Variants in COL6A6 observed in about 807,000 individuals in gnomAD.
COL6A6 encodes the protein collagen alpha-6(VI) chain.
A neutral mutation model predicts 208.6 loss-of-function variants in COL6A6; 183 were observed. That is an observed-to-expected ratio of 0.88 (90% CI 0.78 to 0.99). COL6A6 has a LOEUF of 0.99. Among genes scored for constraint, COL6A6 ranks in the 50% least tolerant of loss-of-function variants. The pLI is 0.00. For synonymous variants in COL6A6, 973 were observed against 1,011.8 expected, an observed-to-expected ratio of 0.96 and a Z score of 0.73; for missense variants, 2,816 against 2,815.2, an observed-to-expected ratio of 1.00 and a Z score of -0.01.
At chr3:130,658,654 C>G (rs753242161) in intron 33 of COL6A6, 22 bp from the exon 34 acceptor site, 1 of 1,568,066 alleles carries the variant, frequency 6.4e-7, no homozygotes, top group East Asian at 2.3e-5. Context: ...TAAGTTCTTT[C>G]TGCTGCTTCT....
intron 20 of COL6A6, among the ~76,000 whole-genome samples, chr3:130,601,871 C>T (rs6799606): frequency 0.018 from 2,691 of 152,270 alleles, 73 homozygotes; most frequent in African/African-American, 0.062. Context: ...AATCTCAACC[C>T]TAATGAGTAA....
intron 8 of COL6A6, among the ~76,000 whole-genome samples, chr3:130,579,778 G>T (rs2063378209): frequency 6.6e-6 from 1 of 152,162 alleles, no homozygotes; most frequent in African/African-American, 2.4e-5. Context: ...CTTCAAGACA[G>T]GGCTCCTGAT....
At chr3:130,657,116 A>C (rs1044405951) in intron 33 of COL6A6, among the ~76,000 whole-genome samples, 1 of 152,246 alleles carries the variant, frequency 6.6e-6, no homozygotes, top group Non-Finnish European at 1.5e-5. Context: ...CTGGAGCCAC[A>C]GCTGGATGGC....
chr3:130,529,709 C>G (rs1331257735), intron 1 of COL6A6, among the ~76,000 whole-genome samples: 1 of 152,180 alleles, frequency 6.6e-6, no homozygotes, highest in Non-Finnish European at 1.5e-5. Context: ...GAAGGGGCCC[C>G]TGCTGGGAGC....
intron 21 of COL6A6, 60 bp from the exon 22 acceptor site, chr3:130,608,842 G>A: frequency 1.8e-6 from 2 of 1,129,844 alleles, no homozygotes; most frequent in East Asian, 3.5e-5. Context: ...TAAGCTTGCA[G>A]GTAAAGGAGA....
chr3:130,542,402 C>G (rs1354791662), intron 1 of COL6A6, among the ~76,000 whole-genome samples: 1 of 151,860 alleles, frequency 6.6e-6, no homozygotes, highest in Admixed American at 6.6e-5. Context: ...TTGTATGATT[C>G]CTGTTTTTTT....
chr3:130,655,198 T>C (rs1285220015), intron 33 of COL6A6, among the ~76,000 whole-genome samples: 1 of 152,138 alleles, frequency 6.6e-6, no homozygotes, highest in Admixed American at 6.5e-5. Context: ...AAGTGCCTCA[T>C]AGATAAGCAA....
At chr3:130,641,281 C>CTATG (rs1485007866) in intron 28 of COL6A6, among the ~76,000 whole-genome samples, 6 of 151,148 alleles carry the variant, frequency 4.0e-5, no homozygotes, top group Admixed American at 3.3e-4. Context: ...TGATGGGATA[C>CTATG]TATGCAGCTG....
chr3:130,533,898 T>C (rs1309666257), intron 1 of COL6A6, among the ~76,000 whole-genome samples: 1 of 152,234 alleles, frequency 6.6e-6, no homozygotes, highest in Non-Finnish European at 1.5e-5. Flanking sequence ...ATCTAAAGTA[T>C]TCATTTAATG....
chr3:130,562,278 G>A (rs147856056), intron 2 of COL6A6, among the ~76,000 whole-genome samples: 1 of 152,092 alleles, frequency 6.6e-6, no homozygotes, highest in African/African-American at 2.4e-5. Flanking sequence ...AAGCTTTAAA[G>A]GTTAAGCAAA....
In COL6A6 at chr3:130,642,764, T is replaced by C. The variant is rs972432697; in HGVS notation, c.5155-68T>C. ...AAGTTATCACTTTCTGAGGGCAATG[T>C]TGGTGCACACTGGCTACTGATGTGT... is the stretch of plus-strand genomic sequence containing the variant. On this transcript the variant is annotated intron_variant, in intron 29 of 36. Transcript: ENST00000358511. 6 of 1,393,434 alleles carry C rather than the reference T, an allele frequency of 4.3e-6. No individual in the cohort carries two copies. The African/African-American group carries it at 7.2e-5, about 17-fold the overall frequency. The allele number at this position is 1,393,434 out of a possible 1,614,324, so 86.3% of individuals were successfully genotyped here.
rs111916367 is a variant in COL6A6 at position 130,563,050 on chromosome 3, A to G, written c.65-18A>G. 30 of 1,574,500 alleles carry G rather than the reference A, an allele frequency of 1.9e-5. No homozygotes were observed. The highest frequency in any genetic ancestry group is 1.2e-4 in the African/African-American group (9 of 73,724). ...TTTTTAAAGTTTTTGGTTCGTTCAT[A>G]TGTTTGTGGTTTTGCAGGCCCTGAG... is the stretch of plus-strand genomic sequence containing the variant. On this transcript the variant is annotated intron_variant, in intron 2 of 36. Coordinates refer to ENST00000358511, the MANE Select transcript of COL6A6 (RefSeq NM_001102608.3).
chr3:130,595,274 TTAAG>T (rs1288830545), intron 18 of COL6A6, among the ~76,000 whole-genome samples: 4 of 152,322 alleles, frequency 2.6e-5, no homozygotes, highest in African/African-American at 4.8e-5. Flanking sequence ...ATACCCACAC[TTAAG>T]TAAGTCTCCA....
intron 29 of COL6A6, among the ~76,000 whole-genome samples, chr3:130,642,243 A>G (rs116360646): frequency 2.5e-4 from 36 of 142,204 alleles, no homozygotes; most frequent in African/African-American, 7.6e-4. Context: ...GACAGATTAT[A>G]TGTGTGTGTG....
intron 8 of COL6A6, among the ~76,000 whole-genome samples, chr3:130,580,196 A>G (rs2063385844): frequency 6.6e-6 from 1 of 152,196 alleles, no homozygotes; most frequent in Non-Finnish European, 1.5e-5. Context: ...TGAAACTTTC[A>G]AGCTCAAGAC....
chr3:130,533,938 T>C (rs190477710), intron 1 of COL6A6, among the ~76,000 whole-genome samples: 38 of 152,368 alleles, frequency 2.5e-4, no homozygotes, highest in Admixed American at 2.0e-3. Context: ...TATGTGTGTG[T>C]GCACGCCAGT....
intron 6 of COL6A6, among the ~76,000 whole-genome samples, chr3:130,569,675 T>C (rs923197662): frequency 6.6e-5 from 10 of 152,250 alleles, no homozygotes; most frequent in Admixed American, 4.6e-4. Flanking sequence ...ATGAACTTTC[T>C]GAAGCGTTCT....
intron 23 of COL6A6, among the ~76,000 whole-genome samples, chr3:130,619,893 T>C (rs16830294): frequency 0.017 from 2,635 of 152,176 alleles, 86 homozygotes; most frequent in African/African-American, 0.06. Flanking sequence ...GTAAATATGA[T>C]TGTTTTGAGA....
rs1407154657 is a variant in COL6A6 at position 130,676,286 on chromosome 3, G to T, written c.*889G>T. 6.6e-6 allele frequency: 1 copy of T among 152,154 alleles called. No homozygotes were observed. The highest frequency in any genetic ancestry group is 2.4e-5 in the African/African-American group (1 of 41,430). 9.4% of individuals were successfully genotyped at this position (152,154 alleles called of 1,614,324 possible). ...AGGATTAGCAGAGCTCTTAAAAACA[G>T]CCTTAAATACACACTGAGTTTAGAA... On this transcript the variant is annotated 3_prime_UTR_variant, in exon 37 of 37. Coordinates refer to ENST00000358511, the MANE Select transcript of COL6A6 (RefSeq NM_001102608.3).
Sources: allele counts gnomAD v4.1 joint callset (sites outside exome capture counted in the v4.1 genomes callset), GRCh38; gene constraint gnomAD v4.1.1; transcripts MANE v1.5; gene names NCBI Gene and HGNC (gene_info 2026-07-23, HGNC 2026-07-21).